The following NPEPPS variants were observed in gnomAD, a reference collection of about 807,000 sequenced individuals.
NPEPPS encodes the protein puromycin-sensitive aminopeptidase.
In NPEPPS, 14 loss-of-function variants were observed where a neutral mutation model predicts 115.5. The ratio of observed to expected loss-of-function variants is 0.12; its 90% CI spans 0.08 to 0.19. The LOEUF (loss-of-function observed/expected upper bound fraction) is 0.19, where lower values mean the gene tolerates loss of function less well. Ranked by LOEUF, NPEPPS falls within the 10% of genes least tolerant of loss-of-function variation. NPEPPS has a pLI of 1.00. For synonymous variants in NPEPPS, 285 were observed against 390.6 expected (o/e 0.73, Z 3.19); for missense variants, 523 against 1,110.8 (o/e 0.47, Z 7.52).
At chr17:47,611,866 C>A (rs1337367761) in intron 17 of NPEPPS, among the ~76,000 whole-genome samples, 1 of 152,144 alleles carries the variant, frequency 6.6e-6, no homozygotes, top group African/African-American at 2.4e-5. Flanking sequence ...TTGAGGGTTC[C>A]AATTTGTCCA....
intron 1 of NPEPPS, among the ~76,000 whole-genome samples, chr17:47,536,954 C>T (rs1218209441): frequency 1.3e-5 from 2 of 151,776 alleles, no homozygotes; most frequent in African/African-American, 4.8e-5. Flanking sequence ...CTCAGGTGAT[C>T]CACCCGCCTT....
chr17:47,583,526 A>C (rs1912011785), intron 5 of NPEPPS, among the ~76,000 whole-genome samples: 1 of 152,028 alleles, frequency 6.6e-6, no homozygotes, highest in Admixed American at 6.5e-5. Context: ...CGGAGTTTGT[A>C]GTGAGCTGAG....
chr17:47,615,492 G>A (rs1026874394), intron 19 of NPEPPS, among the ~76,000 whole-genome samples: 1 of 152,146 alleles, frequency 6.6e-6, no homozygotes, highest in African/African-American at 2.4e-5. Flanking sequence ...AGGAGTTCAA[G>A]GCTGCAGGGA....
intron 22 of NPEPPS, among the ~76,000 whole-genome samples, chr17:47,621,526 AG>A (rs1208689941): frequency 1.1e-4 from 17 of 152,208 alleles, no homozygotes; most frequent in Non-Finnish European, 2.1e-4. Context: ...AAAGAAAGGC[AG>A]TAGGTTCTGT....
At chr17:47,550,315 A>G (rs1477351531) in intron 2 of NPEPPS, among the ~76,000 whole-genome samples, 3 of 130,272 alleles carry the variant, frequency 2.3e-5, no homozygotes, top group African/African-American at 5.8e-5. Context: ...TGAAAGACCT[A>G]TGGGCATGTG....
At chr17:47,541,856 A>C in intron 1 of NPEPPS, among the ~76,000 whole-genome samples, 1 of 152,202 alleles carries the variant, frequency 6.6e-6, no homozygotes, top group Non-Finnish European at 1.5e-5. Context: ...ATTAAATGAC[A>C]TCTTTGTTTT....
chr17:47,568,083 T>C (rs866666655), intron 2 of NPEPPS, among the ~76,000 whole-genome samples: 10 of 152,306 alleles, frequency 6.6e-5, no homozygotes, highest in South Asian at 4.1e-4. Context: ...GCCAAACTGT[T>C]TTCCAAAAGT....
At chr17:47,605,217 A>G in intron 16 of NPEPPS, 116 bp from the exon 17 acceptor site, 2 of 641,932 alleles carry the variant, frequency 3.1e-6, no homozygotes, top group Non-Finnish European at 5.5e-6. Context: ...GAGCTTATAC[A>G]GTCCCATTTC....
intron 10 of NPEPPS, among the ~76,000 whole-genome samples, chr17:47,591,349 C>G (rs1193938969): frequency 6.6e-6 from 1 of 151,322 alleles, no homozygotes; most frequent in African/African-American, 2.4e-5. Context: ...CCAGCCTGGG[C>G]AACAAGAGCA....
rs570607499 is a variant in NPEPPS, at chr17:47,598,451, G to A, written c.1537-1225G>A. On this transcript the variant is annotated intron_variant, in intron 13 of 22. Coordinates refer to ENST00000322157, the MANE Select transcript of NPEPPS (RefSeq NM_006310.4). ...TGATGGCAGCACTGCAGTCCATCCT[G>A]GGCAACAGAGCAAGACCATGTATTA... Among the ~76,000 whole-genome samples, 115 of 152,018 alleles carry A rather than the reference G, an allele frequency of 7.6e-4. 3 individuals are homozygous for A. In the South Asian group the frequency reaches 0.022, roughly 30 times the overall value.
Position 47,580,296 on chromosome 17 carries a change from G to C in NPEPPS, c.540+785G>C, listed in dbSNP as rs897978356. On this transcript the variant is annotated intron_variant, in intron 4 of 22. Coordinates refer to ENST00000322157, the MANE Select transcript of NPEPPS (RefSeq NM_006310.4). ...TTACTTTCTGTTTAGAATAATATTTGCCACAGATATTTAGGTTTAATTCTG... is the reference window on the plus strand; with the variant it reads ...TTACTTTCTGTTTAGAATAATATTTCCCACAGATATTTAGGTTTAATTCTG... The C allele has an allele frequency of 3.9e-5, 6 of 151,950 alleles. No homozygotes were observed. In the South Asian group the frequency reaches 1.2e-3, roughly 31 times the overall value. 9.4% of individuals were successfully genotyped at this position (151,950 alleles called of 1,614,324 possible). A position where few individuals can be genotyped will look rare whatever the true frequency, so the allele number is the denominator to read the frequency against.
At chr17:47,579,592 T>A in intron 4 of NPEPPS, 81 bp downstream of exon 4, 1 of 1,477,442 alleles carries the variant, frequency 6.8e-7, no homozygotes, top group Non-Finnish European at 9.1e-7. Context: ...TGTGGGGTGA[T>A]TATTTGAGGC....
chr17:47,591,968 C>T lies in NPEPPS; in HGVS notation c.1273C>T (p.His425Tyr). The T allele has an allele frequency of 8.3e-7, 1 of 1,199,336 alleles. No individual in the cohort carries two copies. Among genetic ancestry groups the T allele is most frequent in the South Asian group, 1.3e-5 (1 of 76,092 alleles). The allele number at this position is 1,199,336 out of a possible 1,614,324, so 74.3% of individuals were successfully genotyped here. ...NSHPIEVSVG[H>Y]PSEVDEIFDA... ...CACTGTCTGCCAGGTCAGTGTGGGC[C>T]ATCCATCTGAGGTTGATGAGATATT... The change falls in exon 11 of 23, where the codon CAT (histidine) becomes TAT (tyrosine). Residue 425 changes from histidine to tyrosine, a missense_variant. His to Tyr is a moderately conservative substitution (Grantham distance 83). This residue lies in a region of NPEPPS where 144 missense variants were observed against 512.4 expected (regional missense o/e 0.28). Transcript: ENST00000322157.
At chr17:47,546,214 C>T (rs1597822200) in intron 2 of NPEPPS, among the ~76,000 whole-genome samples, 1 of 152,152 alleles carries the variant, frequency 6.6e-6, no homozygotes, top group African/African-American at 2.4e-5. Context: ...ATCCCTGAGC[C>T]CATGAGTTTG....
chr17:47,531,691 G>A, intron 1 of NPEPPS, 136 bp downstream of exon 1: 1 of 1,206,500 alleles, frequency 8.3e-7, no homozygotes, highest in South Asian at 2.9e-5. Flanking sequence ...CGCCGGGTTC[G>A]GCGTGCTCTG....
chr17:47,565,872 G>T (rs1361784992), intron 2 of NPEPPS, among the ~76,000 whole-genome samples: 1 of 152,106 alleles, frequency 6.6e-6, no homozygotes, highest in Non-Finnish European at 1.5e-5. Context: ...AAAGTGTTTA[G>T]ATATCTGGAG....
At chr17:47,523,357 T>C (rs1223134475) in intron 1 of NPEPPS, among the ~76,000 whole-genome samples, 1 of 149,936 alleles carries the variant, frequency 6.7e-6, no homozygotes, top group Non-Finnish European at 1.5e-5. Context: ...CTCTATAATT[T>C]TACTTCAACT....
At chr17:47,524,863 G>T in intron 1 of NPEPPS, among the ~76,000 whole-genome samples, 1 of 138,270 alleles carries the variant, frequency 7.2e-6, no homozygotes, top group Non-Finnish European at 1.5e-5. Flanking sequence ...GAGTGGTCTT[G>T]AACTCTTGGC....
At chr17:47,608,543 C>CAGGA (rs879571567) in intron 17 of NPEPPS, among the ~76,000 whole-genome samples, 8 of 151,354 alleles carry the variant, frequency 5.3e-5, no homozygotes, top group Non-Finnish European at 1.0e-4. Flanking sequence ...GAGGCTGAGA[C>CAGGA]AGGAGAGTTG....
Sources: allele counts gnomAD v4.1 joint callset (sites outside exome capture counted in the v4.1 genomes callset), GRCh38; gene constraint gnomAD v4.1.1; regional missense constraint gnomAD v4.1.1; transcripts MANE v1.5; gene names NCBI Gene and HGNC (gene_info 2026-07-23, HGNC 2026-07-21).